Variants in ZMYM4 observed in about 807,000 individuals in gnomAD.
ZMYM4 encodes the protein zinc finger MYM-type containing 4.
In ZMYM4, 31 loss-of-function variants were observed where a neutral mutation model predicts 183.2. The ratio of observed to expected loss-of-function variants is 0.17; its 90% CI spans 0.13 to 0.23. The LOEUF (loss-of-function observed/expected upper bound fraction) is 0.23. Ranked by LOEUF, ZMYM4 falls within the 10% of genes least tolerant of loss-of-function variation. ZMYM4 has a pLI of 1.00. For synonymous variants in ZMYM4, 592 were observed against 631.2 expected (o/e 0.94, Z 0.93); for missense variants, 1,273 against 1,840.3 (o/e 0.69, Z 5.64).
Position 35,389,852 on chromosome 1 carries a change from A to C in ZMYM4, c.2437-96A>C, listed in dbSNP as rs931886081. 59 of 1,285,822 alleles carry C rather than the reference A, an allele frequency of 4.6e-5. 1 individual carries two copies. The highest frequency in any genetic ancestry group is 5.9e-5 in the Non-Finnish European group (55 of 938,182). 79.7% of individuals were successfully genotyped at this position (1,285,822 alleles called of 1,614,324 possible). ...AAACTAATTTTTTGATCTAAATTCTAAGTTAATTTCGTCACTTGTTATGTG... is the reference window on the plus strand; with the variant it reads ...AAACTAATTTTTTGATCTAAATTCTCAGTTAATTTCGTCACTTGTTATGTG... On this transcript the variant is annotated intron_variant, in intron 14 of 29. Coordinates refer to ENST00000314607, the MANE Select transcript of ZMYM4 (RefSeq NM_005095.3). The surrounding 1 kb of genome is among the most constrained non-coding windows in gnomAD (Gnocchi z 4.0).
In ZMYM4 at chr1:35,419,755, G is replaced by A. The variant is rs1640262497; in HGVS notation, c.*78G>A. On this transcript the variant is annotated 3_prime_UTR_variant, in exon 30 of 30. Transcript: ENST00000314607. ...ATGCATCCAGCTGTTGGAAAATGAT[G>A]TATAAGTCTAAGTCCTCTTGACTTG... The A allele has an allele frequency of 6.9e-7, 1 of 1,447,920 alleles. No individual in the cohort carries two copies. Among genetic ancestry groups the A allele is most frequent in the Non-Finnish European group, 9.6e-7 (1 of 1,046,932 alleles). 89.7% of individuals were successfully genotyped at this position (1,447,920 alleles called of 1,614,324 possible).
chr1:35,383,751 A>G (rs1644514894), intron 9 of ZMYM4, among the ~76,000 whole-genome samples: 1 of 152,196 alleles, frequency 6.6e-6, no homozygotes, highest in African/African-American at 2.4e-5. Context: ...GTCAAAACCT[A>G]TTAAATTTTT....
chr1:35,286,772 A>ATTTT lies in ZMYM4; in HGVS notation c.39+17722_39+17725dup, dbSNP rs71062872. 2.4e-4 allele frequency among the ~76,000 whole-genome samples: 11 copies of ATTTT among 46,520 alleles called. 2 individuals are homozygous for ATTTT. The highest frequency in any genetic ancestry group is 3.5e-4 in the Non-Finnish European group (8 of 22,876). The allele number at this position is 46,520 out of a possible 152,430, so 30.5% of individuals were successfully genotyped here. On this transcript the variant is annotated intron_variant, in intron 1 of 29. Coordinates refer to ENST00000314607, the MANE Select transcript of ZMYM4 (RefSeq NM_005095.3). ...ACCCTTGTGCCTGGCTATTTAAATAATTTTTTTTTTTTTTTTTTTTTTTTT... is the reference window on the plus strand; with the variant it reads ...ACCCTTGTGCCTGGCTATTTAAATAATTTTTTTTTTTTTTTTTTTTTTTTTTTTT...
chr1:35,294,752 G>T (rs1271767082), intron 1 of ZMYM4, among the ~76,000 whole-genome samples: 1 of 152,102 alleles, frequency 6.6e-6, no homozygotes, highest in East Asian at 1.9e-4. Context: ...GAAAATGTAG[G>T]TAAATATCTT....
intron 3 of ZMYM4, 108 bp downstream of exon 3, chr1:35,359,554 A>C (rs1437632203): frequency 9.1e-7 from 1 of 1,103,656 alleles, no homozygotes; most frequent in East Asian, 2.8e-5. Flanking sequence ...GGTTAAATTC[A>C]TTGTAAGCTT....
intron 11 of ZMYM4, 117 bp from the exon 12 acceptor site, chr1:35,386,886 G>A (rs1644590092): frequency 1.8e-6 from 2 of 1,129,136 alleles, no homozygotes; most frequent in South Asian, 3.1e-5. Context: ...CAGGAACATT[G>A]CCTGTTAACA....
intron 1 of ZMYM4, among the ~76,000 whole-genome samples, chr1:35,300,156 T>G (rs1641214804): frequency 6.6e-6 from 1 of 152,018 alleles, no homozygotes; most frequent in Admixed American, 6.6e-5. Flanking sequence ...GCAAAGGGAG[T>G]AGCCTCCAGC....
intron 2 of ZMYM4, among the ~76,000 whole-genome samples, chr1:35,338,960 C>T (rs921639600): frequency 2.6e-5 from 4 of 152,054 alleles, no homozygotes; most frequent in South Asian, 2.1e-4. Context: ...TGTAGTTGAA[C>T]GATAATAAAT....
chr1:35,362,857 C>T (rs762346912), intron 5 of ZMYM4, among the ~76,000 whole-genome samples: 1 of 152,032 alleles, frequency 6.6e-6, no homozygotes, highest in Non-Finnish European at 1.5e-5. Flanking sequence ...CGTGTACCAC[C>T]ACACTGGCGA....
intron 5 of ZMYM4, among the ~76,000 whole-genome samples, chr1:35,362,480 A>G (rs1643960884): frequency 6.6e-6 from 1 of 152,218 alleles, no homozygotes; most frequent in African/African-American, 2.4e-5. Context: ...AGATGCTGCA[A>G]TCATTTTGAA....
chr1:35,280,130 GTCTC>G lies in ZMYM4; in HGVS notation c.39+11057_39+11060del, dbSNP rs772713809. Among the ~76,000 whole-genome samples, 451 of 141,150 alleles carry G rather than the reference GTCTC, an allele frequency of 3.2e-3. 2 individuals carry two copies. Among genetic ancestry groups the G allele is most frequent in the African/African-American group, 8.7e-3 (333 of 38,204 alleles). 92.6% of individuals were successfully genotyped at this position (141,150 alleles called of 152,430 possible). ...TTTTGTTACTTTCTTTTCTTTCTTT[GTCTC>G]TCTCTCTCTCTTTCTTTCTTCCTTC... On this transcript the variant is annotated intron_variant, in intron 1 of 29. Transcript: ENST00000314607.
intron 26 of ZMYM4, among the ~76,000 whole-genome samples, chr1:35,409,972 A>C (rs1306227558): frequency 6.6e-6 from 1 of 151,922 alleles, no homozygotes; most frequent in African/African-American, 2.4e-5. Flanking sequence ...ATGCAGAATC[A>C]TGGCTTATGG....
Position 35,293,485 on chromosome 1 carries a change from T to G in ZMYM4, c.39+24400T>G, listed in dbSNP as rs189185546. 1.0e-3 allele frequency among the ~76,000 whole-genome samples: 153 copies of G among 152,102 alleles called. No homozygotes were observed. In the East Asian group the frequency reaches 0.015, roughly 15 times the overall value. Reference sequence around the variant, plus strand: ...ATGCGCCACCACACCTGGCTAATATTTGTATTGTTAGTAGAGATGAGGGGT... The same window carrying G: ...ATGCGCCACCACACCTGGCTAATATGTGTATTGTTAGTAGAGATGAGGGGT... On this transcript the variant is annotated intron_variant, in intron 1 of 29. Coordinates refer to ENST00000314607, the MANE Select transcript of ZMYM4 (RefSeq NM_005095.3).
At chr1:35,357,620 CA>C (rs1268817126) in intron 2 of ZMYM4, among the ~76,000 whole-genome samples, 1 of 152,066 alleles carries the variant, frequency 6.6e-6, no homozygotes, top group African/African-American at 2.4e-5. Context: ...AGAATTTGTC[CA>C]GGGGGAAATC....
chr1:35,293,066 T>G (rs1640839691), intron 1 of ZMYM4, among the ~76,000 whole-genome samples: 1 of 151,276 alleles, frequency 6.6e-6, no homozygotes, highest in Admixed American at 6.6e-5. Flanking sequence ...GGTGGCATGA[T>G]CATGACTTTC....
chr1:35,408,174 A>G lies in ZMYM4; in HGVS notation c.3948+15A>G, dbSNP rs776536133. The G allele has an allele frequency of 3.1e-6, 5 of 1,613,814 alleles. No homozygotes were observed. The South Asian group carries it at 4.4e-5, about 14-fold the overall frequency. On this transcript the variant is annotated intron_variant, in intron 26 of 29. Coordinates refer to ENST00000314607, the MANE Select transcript of ZMYM4 (RefSeq NM_005095.3). The stretch of plus-strand genomic sequence containing the variant: ...GAATTCAACAGGTATCAAGTTAAAC[A>G]TATGGATTCTTCAACCTAGCAAATC...
chr1:35,369,272 C>T (rs564341714), intron 5 of ZMYM4, among the ~76,000 whole-genome samples: 1 of 152,200 alleles, frequency 6.6e-6, no homozygotes, highest in East Asian at 1.9e-4. Flanking sequence ...AAAAAGCAAA[C>T]AGCACTGAAA....
intron 2 of ZMYM4, among the ~76,000 whole-genome samples, chr1:35,326,163 A>C (rs536189854): frequency 6.6e-6 from 1 of 152,242 alleles, no homozygotes; most frequent in Non-Finnish European, 1.5e-5. Flanking sequence ...CAATTTTACC[A>C]TAAGTTTAAA....
At chr1:35,411,033 CT>C (rs1639868736) in intron 26 of ZMYM4, among the ~76,000 whole-genome samples, 1 of 151,898 alleles carries the variant, frequency 6.6e-6, no homozygotes, top group Admixed American at 6.6e-5. Flanking sequence ...TACCTTCATT[CT>C]TTTGTATGTG....
Sources: gnomAD v4.1 joint callset for allele counts (sites outside exome capture counted in the v4.1 genomes callset) on GRCh38, gnomAD v4.1.1 for gene constraint, Gnocchi (gnomAD v3.1) non-coding constraint, MANE v1.5 for transcripts, NCBI Gene and HGNC (gene_info 2026-07-23, HGNC 2026-07-21) for gene names.